TSEN54: variants seen among roughly 807,000 people sequenced by gnomAD.
The protein encoded by TSEN54 is tRNA-splicing endonuclease subunit Sen54.
Under a neutral mutation model 61.9 loss-of-function variants are expected in TSEN54, and 55 were observed. The observed-to-expected ratio is 0.89, with a 90% CI of 0.72 to 1.11. The LOEUF (loss-of-function observed/expected upper bound fraction) is 1.11. TSEN54 is among the 50% of genes most tolerant of loss of function. The probability of loss-of-function intolerance (pLI) is 0.00; values close to 1 mark genes in which losing one functional copy is unlikely to be tolerated. For missense variants in TSEN54, 760 were observed against 687.7 expected, an observed-to-expected ratio of 1.11 and a Z score of -1.18; for synonymous variants, 304 against 288.7, an observed-to-expected ratio of 1.05 and a Z score of -0.54.
chr17:75,519,167 C>CTGT, intron 6 of TSEN54, 120 bp downstream of exon 6: 1 of 1,169,240 alleles, frequency 8.6e-7, no homozygotes, highest in African/African-American at 1.5e-5. Context: ...GTTCCTTGGG[C>CTGT]ACAGACTGGG....
At chr17:75,517,430 T>C (rs1357916264) in intron 4 of TSEN54, 127 bp from the exon 5 acceptor site, 1 of 1,166,796 alleles carries the variant, frequency 8.6e-7, no homozygotes. Flanking sequence ...CCCACTTTCC[T>C]GGTTGGCCAC....
rs1408358690 is a variant in TSEN54, at chr17:75,523,294, C to T, written c.1272C>T (p.Ile424=). Residue 424 remains isoleucine (I), a synonymous_variant, in exon 9 of 11, where the codon ATC becomes ATT. Transcript: ENST00000333213. ...ASSPAVVLQH[I]SVLQTTHLPD... is the part of the protein sequence containing the mutation. Reference sequence around the variant, plus strand: ...TTGTAGCCGTGGTCCTTCAGCATATCTCTGTGCTGCAGACAACACACCTTC... The same window carrying T: ...TTGTAGCCGTGGTCCTTCAGCATATTTCTGTGCTGCAGACAACACACCTTC... The T allele has an allele frequency of 1.4e-5, 23 of 1,614,064 alleles. No homozygotes were observed. Among genetic ancestry groups the T allele is most frequent in the Non-Finnish European group, 1.9e-5 (22 of 1,180,038 alleles).
chr17:75,523,145 C>CT, intron 8 of TSEN54, 130 bp from the exon 9 acceptor site: 1 of 1,230,320 alleles, frequency 8.1e-7, no homozygotes, highest in East Asian at 2.3e-5. Context: ...CGCCACTATA[C>CT]TCCAGCCTGG....
chr17:75,519,175 G>C (rs181992494), intron 6 of TSEN54, 128 bp downstream of exon 6: 23 of 1,049,764 alleles, frequency 2.2e-5, no homozygotes, highest in Admixed American at 3.4e-5. Flanking sequence ...GGCACAGACT[G>C]GGGGCGCCTG....
chr17:75,518,697 A>G, intron 5 of TSEN54: 1 of 985,420 alleles, frequency 1.0e-6, no homozygotes, highest in African/African-American at 1.7e-5. Flanking sequence ...TTTGTATCAA[A>G]ATACTCAAGT....
chr17:75,517,286 G>C (rs1237173529), intron 4 of TSEN54, 42 bp downstream of exon 4: 1 of 1,555,798 alleles, frequency 6.4e-7, no homozygotes, highest in African/African-American at 1.4e-5. Flanking sequence ...TGGGACCAAA[G>C]AACGGGAAGG....
chr17:75,521,092 G>GA (rs1347745182), intron 6 of TSEN54, among the ~76,000 whole-genome samples: 3 of 151,402 alleles, frequency 2.0e-5, no homozygotes, highest in African/African-American at 7.3e-5. Flanking sequence ...ATTTTTGTTA[G>GA]AAAAAAATAT....
chr17:75,520,585 C>CAAAAAA (rs200508248), intron 6 of TSEN54, among the ~76,000 whole-genome samples: 7 of 131,742 alleles, frequency 5.3e-5, no homozygotes, highest in African/African-American at 8.8e-5. Context: ...AACTCTATCT[C>CAAAAAA]AAAAAAAAAA....
intron 6 of TSEN54, 189 bp from the exon 7 acceptor site, chr17:75,521,220 G>T (rs749732973): frequency 2.6e-4 from 161 of 625,902 alleles, no homozygotes; most frequent in Non-Finnish European, 3.6e-4. Flanking sequence ...TGCCTAGGCA[G>T]AGGCACATGG....
At position 75,521,885 on chromosome 17, in the gene TSEN54, T is replaced by C. The variant is rs573370831; in HGVS notation, c.804T>C (p.Pro268=). 44 of 1,609,772 alleles carry C rather than the reference T, an allele frequency of 2.7e-5. No homozygotes were observed. Among genetic ancestry groups the C allele is most frequent in the Admixed American group, 1.0e-4 (6 of 59,574 alleles). Residue 268 remains proline, a synonymous_variant, in exon 8 of 11, where the codon CCT becomes CCC. Transcript: ENST00000333213. ...TTCTGGGGTCCCTGGGCCCCAGCCC[T>C]GGCCCGGCCAGGGAGGGGGTGGGGT... ...FQLLGSLGPS[P]GPAREGVGCS...
At chr17:75,521,236 C>T (rs2053423994) in intron 6 of TSEN54, 173 bp from the exon 7 acceptor site, 2 of 645,344 alleles carry the variant, frequency 3.1e-6, no homozygotes, top group Middle Eastern at 4.0e-4. Flanking sequence ...CATGGCTGGG[C>T]CCCCTGGCTG....
intron 9 of TSEN54, 30 bp downstream of exon 9, chr17:75,523,365 G>A (rs2053451778): frequency 6.2e-7 from 1 of 1,613,710 alleles, no homozygotes; most frequent in African/African-American, 1.3e-5. Flanking sequence ...CGTCTCTGCA[G>A]TACCTTGACC....
intron 6 of TSEN54, among the ~76,000 whole-genome samples, 168 bp downstream of exon 6, chr17:75,519,215 G>C (rs1639688988): frequency 6.6e-6 from 1 of 152,212 alleles, no homozygotes; most frequent in Admixed American, 6.5e-5. Flanking sequence ...GGCAGGTTGG[G>C]AGGAATCCAG....
In TSEN54 at chr17:75,521,744, G is replaced by A. The variant is rs886053396; in HGVS notation, c.663G>A (p.Leu221=). The A allele has an allele frequency of 2.5e-6, 4 of 1,612,950 alleles. No individual in the cohort carries two copies. The highest frequency in any genetic ancestry group is 1.3e-5 in the African/African-American group (1 of 74,894). ...NKKAKALDNS[L]QPKSLAASSP... Reference sequence around the variant, plus strand: ...AGGCCAAGGCCCTGGACAACTCCCTGCAACCCAAGAGTCTGGCAGCCTCCA... The same window carrying A: ...AGGCCAAGGCCCTGGACAACTCCCTACAACCCAAGAGTCTGGCAGCCTCCA... Residue 221 remains leucine, a synonymous_variant, in exon 8 of 11, where the codon CTG becomes CTA. Coordinates refer to ENST00000333213, the MANE Select transcript of TSEN54 (RefSeq NM_207346.3).
intron 5 of TSEN54, among the ~76,000 whole-genome samples, chr17:75,518,083 C>T (rs548806123): frequency 6.6e-6 from 1 of 152,314 alleles, no homozygotes; most frequent in South Asian, 2.1e-4. Context: ...GATGAAGGTG[C>T]TGTCATTTTC....
chr17:75,517,359 C>A, intron 4 of TSEN54, 115 bp downstream of exon 4: 1 of 1,313,872 alleles, frequency 7.6e-7, no homozygotes, highest in Non-Finnish European at 1.1e-6. Flanking sequence ...AACCAAACTT[C>A]TAAAGCAGGA....
In TSEN54 at chr17:75,521,882, C is replaced by G. The variant is rs1053755132; in HGVS notation, c.801C>G (p.Ser267Arg). The change falls in exon 8 of 11, where the codon AGC (serine) becomes AGG (arginine). Residue 267 changes from serine to arginine, a missense_variant. Physicochemically the swap from Ser to Arg is moderately radical, Grantham distance 110. Coordinates refer to ENST00000333213, the MANE Select transcript of TSEN54 (RefSeq NM_207346.3). Reference protein sequence around the residue: ...PFQLLGSLGPSPGPAREGVGC... With the variant: ...PFQLLGSLGPRPGPAREGVGC... ...AGCTTCTGGGGTCCCTGGGCCCCAG[C>G]CCTGGCCCGGCCAGGGAGGGGGTGG... The G allele has an allele frequency of 6.2e-7, 1 of 1,610,238 alleles. No individual in the cohort carries two copies. Among genetic ancestry groups the G allele is most frequent in the Admixed American group, 1.7e-5 (1 of 59,600 alleles).
chr17:75,517,559 C>T lies in TSEN54; in HGVS notation c.372C>T (p.Gly124=), dbSNP rs975449068. Residue 124 remains glycine, a splice_region_variant and synonymous_variant, in exon 5 of 11, where the codon GGC becomes GGT. Coordinates refer to ENST00000333213, the MANE Select transcript of TSEN54 (RefSeq NM_207346.3). ...TGAGCTGTTGGCCCCACTTCCAGGGCTCCATCCACCTCTTCCACCAAGACC... is the reference window on the plus strand; with the variant it reads ...TGAGCTGTTGGCCCCACTTCCAGGGTTCCATCCACCTCTTCCACCAAGACC... ...PEEALYLLEC[G]SIHLFHQDLP... 9.3e-6 allele frequency: 15 copies of T among 1,613,530 alleles called. No individual in the cohort carries two copies. The highest frequency in any genetic ancestry group is 1.1e-5 in the Non-Finnish European group (13 of 1,179,926).
Position 75,522,148 on chromosome 17 carries a change from A to T in TSEN54, c.1067A>T (p.His356Leu), listed in dbSNP as rs1221250692. Residue 356 changes from histidine (H) to leucine (L), a missense_variant, in exon 8 of 11, where the codon CAC (histidine) becomes CTC (leucine). This residue lies in a region of TSEN54 where 667 missense variants were observed against 577.8 expected (regional missense o/e 1.15). Coordinates refer to ENST00000333213, the MANE Select transcript of TSEN54 (RefSeq NM_207346.3). ...EKLSRREREHHAEAAQFQEDV... is the reference protein window; with the variant it reads ...EKLSRREREHLAEAAQFQEDV... ...CTCTCCAGGCGGGAACGGGAGCACC[A>T]CGCGGAGGCCGCGCAGTTCCAGGAA... 1 of 1,560,160 alleles carries T rather than the reference A, an allele frequency of 6.4e-7. No individual in the cohort carries two copies. Among genetic ancestry groups the T allele is most frequent in the Admixed American group, 1.9e-5 (1 of 53,534 alleles).
Sources: gnomAD v4.1 joint callset for allele counts (sites outside exome capture counted in the v4.1 genomes callset) on GRCh38, gnomAD v4.1.1 for gene constraint, gnomAD v4.1.1 regional missense constraint, MANE v1.5 for transcripts, NCBI Gene and HGNC (gene_info 2026-07-23, HGNC 2026-07-21) for gene names.